Variants in ATXN8OS observed in about 807,000 individuals in gnomAD.
ATXN8OS encodes ATXN8 opposite strand (non-protein coding).
chr13:70,143,542 T>C (rs888388429), intron 3 of ATXN8OS, among the ~76,000 whole-genome samples: 6 of 152,212 alleles, frequency 3.9e-5, no homozygotes, highest in Admixed American at 1.3e-4. Context: ...TGAAATAAGT[T>C]CATGAATAAG....
At chr13:70,147,399 C>T (rs925576366) in exon 4 of ATXN8OS, among the ~76,000 whole-genome samples, 2 of 152,020 alleles carry the variant, frequency 1.3e-5, no homozygotes, top group Non-Finnish European at 2.9e-5. Flanking sequence ...TCTGTTGAAA[C>T]CCAAAATTTG....
At chr13:70,121,237 A>T (rs184223829) in intron 2 of ATXN8OS, among the ~76,000 whole-genome samples, 10 of 152,282 alleles carry the variant, frequency 6.6e-5, no homozygotes, top group Admixed American at 3.9e-4. Flanking sequence ...AACCTCACAA[A>T]TTAGACAGGG....
At position 70,149,542 on chromosome 13, in the gene ATXN8OS, C is replaced by T. The variant is rs148531491; in HGVS notation, n.573+2114C>T. 7.4e-4 allele frequency among the ~76,000 whole-genome samples: 112 copies of T among 152,198 alleles called. No homozygotes were observed. In the East Asian group the frequency reaches 0.02, roughly 27 times the overall value. ...TGTTTCCTGGAATCCTTATTTTACA[C>T]ACATAATACGAAAATAGCTATAAAA... On this transcript the variant is annotated intron_variant and non_coding_transcript_variant, in intron 4 of 4. Coordinates refer to ENST00000678624, the Ensembl canonical transcript of ATXN8OS.
intron 4 of ATXN8OS, among the ~76,000 whole-genome samples, chr13:70,148,203 G>T (rs966028382): frequency 1.3e-5 from 2 of 152,090 alleles, no homozygotes. Context: ...ATCAGGAAAA[G>T]ACCTGCAAAG....
intron 1 of ATXN8OS, among the ~76,000 whole-genome samples, chr13:70,114,217 T>C (rs1347339188): frequency 2.0e-5 from 3 of 152,160 alleles, no homozygotes; most frequent in Non-Finnish European, 4.4e-5. Context: ...TCCCAAAGAA[T>C]ATTACTTGTC....
At chr13:70,113,249 C>A (rs970795474) in intron 1 of ATXN8OS, among the ~76,000 whole-genome samples, 1 of 151,816 alleles carries the variant, frequency 6.6e-6, no homozygotes, top group Non-Finnish European at 1.5e-5. Context: ...CACTTTCTAT[C>A]CCTTTTATGA....
At chr13:70,107,891 C>A in exon 1 of ATXN8OS, 1 of 529,866 alleles carries the variant, frequency 1.9e-6, no homozygotes, top group Non-Finnish European at 3.3e-6. Flanking sequence ...CAAAGCCGCG[C>A]GTTTCAGCCG....
chr13:70,114,370 T>C (rs1888244436), intron 1 of ATXN8OS, among the ~76,000 whole-genome samples: 2 of 152,104 alleles, frequency 1.3e-5, no homozygotes, highest in South Asian at 2.1e-4. Flanking sequence ...TCAAAGGAAA[T>C]ATGACATGGA....
chr13:70,171,433 A>G (rs1889143111), exon 5 of ATXN8OS, among the ~76,000 whole-genome samples: 1 of 152,130 alleles, frequency 6.6e-6, no homozygotes, highest in Admixed American at 6.5e-5. Flanking sequence ...TGAGTGAATG[A>G]GTGGTGAATG....
upstream of ATXN8OS, chr13:70,107,684 G>C: frequency 6.5e-7 from 1 of 1,528,670 alleles, no homozygotes; most frequent in Non-Finnish European, 8.8e-7. Context: ...AAGTCTTTTC[G>C]CCCAGAGCCT....
intron 4 of ATXN8OS, among the ~76,000 whole-genome samples, chr13:70,166,707 G>T (rs1287296163): frequency 1.3e-5 from 2 of 152,154 alleles, no homozygotes; most frequent in East Asian, 1.9e-4. Context: ...CACAACAAAA[G>T]AAACTACCAT....
chr13:70,141,599 T>C (rs1259618221), intron 3 of ATXN8OS, among the ~76,000 whole-genome samples: 1 of 152,110 alleles, frequency 6.6e-6, no homozygotes, highest in African/African-American at 2.4e-5. Flanking sequence ...TGTGTGTATA[T>C]ATACATATGT....
chr13:70,127,771 G>A (rs1337904716), intron 2 of ATXN8OS, among the ~76,000 whole-genome samples: 1 of 151,730 alleles, frequency 6.6e-6, no homozygotes, highest in African/African-American at 2.4e-5. Context: ...AAGCAATACT[G>A]TCTAATAAAA....
At chr13:70,111,971 G>C (rs1410788555) in intron 1 of ATXN8OS, among the ~76,000 whole-genome samples, 1 of 152,092 alleles carries the variant, frequency 6.6e-6, no homozygotes, top group Non-Finnish European at 1.5e-5. Flanking sequence ...CCTGAGACTG[G>C]GTAATTTATA....
In ATXN8OS at chr13:70,139,383, A is replaced by ACTACTACTG; in HGVS notation, n.500-7970_500-7969insACTACTGCT. ...TACTACTACTACTACTACTACTACTACTGCTGCTGCTGCTGCTGCTGCTGC... is the reference window on the plus strand; with the variant it reads ...TACTACTACTACTACTACTACTACTACTACTACTGCTGCTGCTGCTGCTGCTGCTGCTGC... On this transcript the variant is annotated intron_variant and non_coding_transcript_variant, in intron 3 of 4. Coordinates refer to ENST00000678624, the Ensembl canonical transcript of ATXN8OS. 3.0e-3 allele frequency: 1,393 copies of ACTACTACTG among 458,024 alleles called. 6 individuals are homozygous for ACTACTACTG. Among genetic ancestry groups the ACTACTACTG allele is most frequent in the Non-Finnish European group, 3.7e-3 (1,003 of 270,608 alleles). The allele number at this position is 458,024 out of a possible 1,614,324, so 28.4% of individuals were successfully genotyped here. A position where few individuals can be genotyped will look rare whatever the true frequency, so the allele number is the denominator to read the frequency against.
intron 3 of ATXN8OS, among the ~76,000 whole-genome samples, chr13:70,144,840 T>A (rs1436072542): frequency 6.6e-6 from 1 of 152,178 alleles, no homozygotes; most frequent in Non-Finnish European, 1.5e-5. Context: ...TACATTTAGA[T>A]CTGTGATACA....
intron 1 of ATXN8OS, among the ~76,000 whole-genome samples, chr13:70,113,401 A>T (rs1258099514): frequency 1.3e-5 from 2 of 152,258 alleles, no homozygotes; most frequent in East Asian, 3.9e-4. Flanking sequence ...ATTTTGTATA[A>T]CACTAGAGTC....
intron 3 of ATXN8OS, among the ~76,000 whole-genome samples, chr13:70,146,175 A>G (rs1888783906): frequency 6.6e-6 from 1 of 150,678 alleles, no homozygotes; most frequent in Non-Finnish European, 1.5e-5. Context: ...GCTCATCATC[A>G]CTGGCCATCA....
intron 2 of ATXN8OS, among the ~76,000 whole-genome samples, chr13:70,121,481 A>G (rs1006595893): frequency 4.6e-5 from 7 of 152,176 alleles, no homozygotes; most frequent in Non-Finnish European, 8.8e-5. Context: ...ATTGGATTAG[A>G]GAAAGTAAGA....
Sources: allele counts gnomAD v4.1 joint callset (sites outside exome capture counted in the v4.1 genomes callset), GRCh38; gene constraint gnomAD v4.1.1; transcripts MANE v1.5; gene names NCBI Gene and HGNC (gene_info 2026-07-23, HGNC 2026-07-21).